MAP2K6: variants seen among roughly 807,000 people sequenced by gnomAD.
The protein encoded by MAP2K6 is mitogen-activated protein kinase kinase 6.
In MAP2K6, 16 loss-of-function variants were observed where a neutral mutation model predicts 53.7. The ratio of observed to expected loss-of-function variants is 0.30; its 90% confidence interval spans 0.20 to 0.45. The LOEUF (loss-of-function observed/expected upper bound fraction) is 0.45. Ranked by LOEUF, MAP2K6 falls within the 20% of genes least tolerant of loss-of-function variation. The pLI is 1.00. For missense variants in MAP2K6, 204 were observed against 411.9 expected, an observed-to-expected ratio of 0.50 and a Z score of 4.37; for synonymous variants, 132 against 143.1, an observed-to-expected ratio of 0.92 and a Z score of 0.55.
intron 2 of MAP2K6, among the ~76,000 whole-genome samples, chr17:69,511,537 T>C (rs72855569): frequency 0.031 from 4,717 of 152,282 alleles, 202 homozygotes; most frequent in African/African-American, 0.091. Context: ...CCTTGATTGA[T>C]AGTGACCAAT....
chr17:69,520,131 C>G (rs1054468915), intron 5 of MAP2K6, 139 bp from the exon 6 acceptor site: 133 of 594,612 alleles, frequency 2.2e-4, no homozygotes, highest in Middle Eastern at 3.7e-4. Flanking sequence ...ATGATCTTGA[C>G]AGAAGACACT....
chr17:69,449,026 G>A (rs1208844035), intron 1 of MAP2K6, among the ~76,000 whole-genome samples: 2 of 152,220 alleles, frequency 1.3e-5, no homozygotes, highest in Non-Finnish European at 2.9e-5. Context: ...GGATACTACC[G>A]ATCTTTCGAT....
chr17:69,483,777 C>T (rs185963819), intron 1 of MAP2K6, among the ~76,000 whole-genome samples: 51 of 152,112 alleles, frequency 3.4e-4, no homozygotes, highest in African/African-American at 1.2e-3. Context: ...AATCGAAAGT[C>T]CATAAATAAA....
chr17:69,416,344 A>G (rs908066335), intron 1 of MAP2K6, among the ~76,000 whole-genome samples: 1 of 152,192 alleles, frequency 6.6e-6, no homozygotes. Flanking sequence ...GGAAATCTGA[A>G]AAGTTAAGAG....
chr17:69,508,913 T>C (rs555842354), intron 2 of MAP2K6, among the ~76,000 whole-genome samples: 1 of 152,368 alleles, frequency 6.6e-6, no homozygotes, highest in African/African-American at 2.4e-5. Context: ...TCAATACCAA[T>C]TGGGCATATT....
At chr17:69,510,750 A>G (rs1418932457) in intron 2 of MAP2K6, among the ~76,000 whole-genome samples, 1 of 151,866 alleles carries the variant, frequency 6.6e-6, no homozygotes, top group African/African-American at 2.4e-5. Flanking sequence ...AAAATTGTTC[A>G]TAGTGTTTCC....
At chr17:69,449,459 C>T (rs888154663) in intron 1 of MAP2K6, among the ~76,000 whole-genome samples, 6 of 150,376 alleles carry the variant, frequency 4.0e-5, no homozygotes, top group Non-Finnish European at 7.4e-5. Flanking sequence ...ATGATTATTA[C>T]TCCTCAGAGT....
chr17:69,517,651 G>A (rs752861541), intron 4 of MAP2K6, 38 bp downstream of exon 4: 3 of 1,449,006 alleles, frequency 2.1e-6, no homozygotes, highest in Non-Finnish European at 2.8e-6. Flanking sequence ...TATATCTGCT[G>A]TGTATACATT....
chr17:69,419,652 A>G (rs1032986160), intron 1 of MAP2K6, among the ~76,000 whole-genome samples: 1 of 152,130 alleles, frequency 6.6e-6, no homozygotes, highest in African/African-American at 2.4e-5. Context: ...TTGGGTGGCC[A>G]GGCATGGTGG....
intron 5 of MAP2K6, 171 bp from the exon 6 acceptor site, chr17:69,520,099 T>G: frequency 1.8e-6 from 1 of 567,110 alleles, no homozygotes; most frequent in Non-Finnish European, 3.1e-6. Flanking sequence ...GTAGATAACC[T>G]TGCTTATTTG....
chr17:69,485,544 A>G, intron 1 of MAP2K6: 1 of 774,794 alleles, frequency 1.3e-6, no homozygotes, highest in Non-Finnish European at 1.6e-6. Flanking sequence ...GCTGTTCCTA[A>G]TGTTTCTTGG....
chr17:69,434,443 C>T (rs1906573241), intron 1 of MAP2K6: 1 of 152,182 alleles, frequency 6.6e-6, no homozygotes, highest in Admixed American at 6.5e-5. Context: ...GTGCTGCTCA[C>T]TCACATTTGA....
At chr17:69,535,999 G>A (rs1369550501) in intron 10 of MAP2K6, 116 bp from the exon 11 acceptor site, 2 of 693,312 alleles carry the variant, frequency 2.9e-6, no homozygotes, top group Admixed American at 2.4e-5. Context: ...AGGAGGCTGT[G>A]TTTTCAATAC....
chr17:69,516,950 T>C, intron 3 of MAP2K6, 47 bp downstream of exon 3: 1 of 1,407,792 alleles, frequency 7.1e-7, no homozygotes, highest in South Asian at 1.2e-5. Context: ...CCATTTTATA[T>C]GTATGCTTTC....
At chr17:69,467,873 C>A (rs1907864467) in intron 1 of MAP2K6, among the ~76,000 whole-genome samples, 1 of 151,916 alleles carries the variant, frequency 6.6e-6, no homozygotes, top group African/African-American at 2.4e-5. Context: ...TCAAGTGATT[C>A]TCCTGCCTCA....
At chr17:69,463,623 T>C (rs1907700980) in intron 1 of MAP2K6, among the ~76,000 whole-genome samples, 1 of 150,488 alleles carries the variant, frequency 6.6e-6, no homozygotes, top group South Asian at 2.1e-4. Context: ...TCTCTATATA[T>C]ATACACACAC....
At position 69,553,779 on chromosome 17, in the gene MAP2K6, T is replaced by C. The variant is rs1056705440; in HGVS notation, c.*12026T>C. ...TAGCTGGGACAAGTAACATTAAGTA[T>C]TCAGGAGCAAAGTGTTCTTGAAAGA... On this transcript the variant is annotated 3_prime_UTR_variant, in exon 12 of 12. Coordinates refer to ENST00000590474, the MANE Select transcript of MAP2K6 (RefSeq NM_002758.4). 6.6e-6 allele frequency: 1 copy of C among 152,226 alleles called. No homozygotes were observed. The highest frequency in any genetic ancestry group is 1.5e-5 in the Non-Finnish European group (1 of 68,040). 9.4% of individuals were successfully genotyped at this position (152,226 alleles called of 1,614,324 possible).
At chr17:69,532,862 A>G (rs1191697128) in intron 10 of MAP2K6, among the ~76,000 whole-genome samples, 1 of 152,184 alleles carries the variant, frequency 6.6e-6, no homozygotes, top group Non-Finnish European at 1.5e-5. Flanking sequence ...AATCCTTAAC[A>G]CTTTATGATG....
At chr17:69,474,991 G>A (rs1249995684) in intron 1 of MAP2K6, among the ~76,000 whole-genome samples, 1 of 152,118 alleles carries the variant, frequency 6.6e-6, no homozygotes, top group Non-Finnish European at 1.5e-5. Flanking sequence ...TAAGCTCAGA[G>A]GACTCAAATT....
Sources: allele counts gnomAD v4.1 joint callset (sites outside exome capture counted in the v4.1 genomes callset), GRCh38; gene constraint gnomAD v4.1.1; transcripts MANE v1.5; gene names NCBI Gene and HGNC (gene_info 2026-07-23, HGNC 2026-07-21).